Variants in SI observed in about 807,000 individuals in gnomAD.
SI encodes sucrase-isomaltase.
In SI, 235 loss-of-function variants were observed where a neutral mutation model predicts 253.3. That is an observed-to-expected ratio of 0.93 (90% CI 0.83 to 1.03). The LOEUF is 1.03. SI is among the 50% of genes least tolerant of loss of function. The pLI is 0.00. For missense variants in SI, 2,442 were observed against 2,211.1 expected, an observed-to-expected ratio of 1.10 and a Z score of -2.09; for synonymous variants, 819 against 712.0, an observed-to-expected ratio of 1.15 and a Z score of -2.39.
chr3:165,010,166 G>T (rs1029514619), intron 34 of SI, among the ~76,000 whole-genome samples: 2 of 148,056 alleles, frequency 1.4e-5, no homozygotes, highest in African/African-American at 2.5e-5. Flanking sequence ...GATGGATTTT[G>T]TTTTTTTTTT....
intron 13 of SI, among the ~76,000 whole-genome samples, chr3:165,052,150 T>C (rs927491463): frequency 2.0e-5 from 3 of 152,140 alleles, no homozygotes; most frequent in Non-Finnish European, 4.4e-5. Context: ...TTTAAAAGAA[T>C]TTATCTATTG....
At chr3:164,982,057 G>A (rs1285738127) in intron 47 of SI, among the ~76,000 whole-genome samples, 186 bp downstream of exon 47, 1 of 152,048 alleles carries the variant, frequency 6.6e-6, no homozygotes, top group Admixed American at 6.6e-5. Flanking sequence ...TCATTAGATT[G>A]ATTTGTATGA....
intron 7 of SI, among the ~76,000 whole-genome samples, chr3:165,064,670 A>G (rs1005338648): frequency 6.6e-5 from 10 of 152,148 alleles, no homozygotes; most frequent in Admixed American, 6.6e-4. Flanking sequence ...TACTAAGTCA[A>G]GTATAAAGAT....
intron 12 of SI, among the ~76,000 whole-genome samples, chr3:165,058,482 A>T (rs1713811686): frequency 1.3e-5 from 2 of 152,102 alleles, no homozygotes; most frequent in Admixed American, 6.6e-5. Context: ...ACAAAACAGC[A>T]ACGAAATGAA....
chr3:165,004,071 A>C (rs1718386626), intron 37 of SI, among the ~76,000 whole-genome samples: 1 of 152,182 alleles, frequency 6.6e-6, no homozygotes. Context: ...TAATGACCAG[A>C]ATATATAAGG....
chr3:165,077,396 C>T (rs184063004), intron 1 of SI, among the ~76,000 whole-genome samples: 53 of 151,706 alleles, frequency 3.5e-4, no homozygotes, highest in Non-Finnish European at 5.3e-4. Flanking sequence ...TCAATTAGAT[C>T]GTTACATTCT....
chr3:165,006,896 C>G lies in SI; in HGVS notation c.4326G>C (p.Gln1442His), dbSNP rs1388352333. The G allele has an allele frequency of 6.2e-7, 1 of 1,612,106 alleles. No individual in the cohort carries two copies. The highest frequency in any genetic ancestry group is 1.3e-5 in the African/African-American group (1 of 74,972). The change falls in exon 37 of 48, where the codon CAG (glutamine) becomes CAC (histidine). Residue 1442 changes from glutamine to histidine, a missense_variant. By Grantham distance (24) the Gln-to-His change is conservative. Coordinates refer to ENST00000264382, the MANE Select transcript of SI (RefSeq NM_001041.4). The part of the protein sequence containing the change: ...HFRTICMEAE[Q>H]ILSDGTSVLH... ...AAACTGATGTTCCATCACTAAGAAT[C>G]TGCTCAGCTTCCATGCAAATTGTTC...
intron 13 of SI, among the ~76,000 whole-genome samples, chr3:165,050,350 C>T (rs1004298582): frequency 6.6e-6 from 1 of 152,010 alleles, no homozygotes; most frequent in Admixed American, 6.6e-5. Flanking sequence ...AGGCAAATAG[C>T]CTTTAGTATT....
chr3:165,023,902 T>C, intron 25 of SI, 126 bp from the exon 26 acceptor site: 2 of 714,928 alleles, frequency 2.8e-6, no homozygotes, highest in South Asian at 1.5e-5. Context: ...AAAAATGAAA[T>C]AACAGTTATA....
intron 3 of SI, 119 bp from the exon 4 acceptor site, chr3:165,069,314 C>T: frequency 1.4e-6 from 1 of 711,058 alleles, no homozygotes; most frequent in South Asian, 1.7e-5. Context: ...GTATAATATG[C>T]CAAAATAGCA....
intron 5 of SI, 40 bp downstream of exon 5, chr3:165,068,682 T>C (rs1207681427): frequency 6.9e-7 from 1 of 1,445,022 alleles, no homozygotes. Context: ...CCATCAAATG[T>C]CTTTTAGTAT....
At chr3:164,999,447 T>C (rs1404348948) in intron 37 of SI, among the ~76,000 whole-genome samples, 1 of 151,750 alleles carries the variant, frequency 6.6e-6, no homozygotes, top group East Asian at 1.9e-4. Context: ...AATAAAGTTT[T>C]ACTCTAATAT....
At chr3:165,007,039 C>G in intron 36 of SI, 85 bp from the exon 37 acceptor site, 4 of 972,940 alleles carry the variant, frequency 4.1e-6, no homozygotes, top group Non-Finnish European at 6.3e-6. Context: ...TATTCCTTGA[C>G]AAAGAAATTA....
chr3:164,983,241 T>A (rs888117662), intron 45 of SI, among the ~76,000 whole-genome samples, 190 bp from the exon 46 acceptor site: 2 of 152,124 alleles, frequency 1.3e-5, no homozygotes, highest in Non-Finnish European at 2.9e-5. Context: ...GAAGGATGAG[T>A]CACCAGGTAA....
intron 37 of SI, among the ~76,000 whole-genome samples, chr3:165,005,647 CT>C (rs1302606737): frequency 6.6e-6 from 1 of 152,122 alleles, no homozygotes; most frequent in East Asian, 1.9e-4. Context: ...AATTAAATAA[CT>C]TTAAAATTCC....
intron 35 of SI, 124 bp from the exon 36 acceptor site, chr3:165,008,122 C>A: frequency 1.9e-6 from 1 of 513,036 alleles, no homozygotes. Flanking sequence ...ACTCACTATT[C>A]TAAACAAACA....
At chr3:165,058,884 A>ACACACACACACACG (rs1236952458) in intron 12 of SI, 79 bp downstream of exon 12, 5 of 1,173,380 alleles carry the variant, frequency 4.3e-6, no homozygotes, top group Non-Finnish European at 6.3e-6. Flanking sequence ...ACACACACAC[A>ACACACACACACACG]CACGCACATC....
Position 165,006,478 on chromosome 3 carries a change from T to C in SI, c.4406+338A>G, listed in dbSNP as rs573954245. Among the ~76,000 whole-genome samples the C allele has an allele frequency of 3.9e-5, 6 of 152,306 alleles. No homozygotes were observed. The East Asian group carries it at 9.6e-4, about 24-fold the overall frequency. On this transcript the variant is annotated intron_variant, in intron 37 of 47. Transcript: ENST00000264382. ...TTTATGTCTTAATGATATCAAATTA[T>C]ATGTTATTAATTCATTTATAAATAT...
intron 47 of SI, among the ~76,000 whole-genome samples, chr3:164,980,226 T>G (rs371494425): frequency 6.6e-6 from 1 of 151,938 alleles, no homozygotes; most frequent in East Asian, 1.9e-4. Context: ...TTTGGATTAA[T>G]TTACCACATT....
Sources: gnomAD v4.1 joint callset for allele counts (sites outside exome capture counted in the v4.1 genomes callset) on GRCh38, gnomAD v4.1.1 for gene constraint, MANE v1.5 for transcripts, NCBI Gene and HGNC (gene_info 2026-07-23, HGNC 2026-07-21) for gene names.